DGKA: variants seen among roughly 807,000 people sequenced by gnomAD.
The protein encoded by DGKA is diacylglycerol kinase alpha.
A neutral mutation model predicts 105.0 loss-of-function variants in DGKA; 35 were observed. That is an observed-to-expected ratio of 0.33 (90% CI 0.25 to 0.44). The LOEUF is 0.44. Among genes scored for constraint, DGKA ranks in the 20% least tolerant of loss-of-function variants. The pLI, the probability that DGKA is intolerant of heterozygous loss-of-function variation, is 1.00. For synonymous variants in DGKA, 296 were observed against 332.0 expected (o/e 0.89, Z 1.18); for missense variants, 665 against 915.0 (o/e 0.73, Z 3.53).
chr12:55,927,954 C>G, upstream of DGKA: 1 of 647,062 alleles, frequency 1.5e-6, no homozygotes, highest in South Asian at 2.1e-5. Flanking sequence ...GGCGGACCTA[C>G]TTAGTATTCT....
chr12:55,935,965 G>A (rs2136300795), intron 1 of DGKA: 1 of 988,942 alleles, frequency 1.0e-6, no homozygotes. Context: ...CGCAGTAAGA[G>A]TCACTCAGAG....
At chr12:55,950,392 C>T (rs1316011320) in intron 17 of DGKA, among the ~76,000 whole-genome samples, 2 of 151,860 alleles carry the variant, frequency 1.3e-5, no homozygotes, top group Admixed American at 6.6e-5. Flanking sequence ...CTGCAAGCTC[C>T]ACCTCCTGGG....
intron 17 of DGKA, among the ~76,000 whole-genome samples, chr12:55,950,482 AT>A (rs560091337): frequency 2.7e-5 from 4 of 147,586 alleles, no homozygotes; most frequent in Non-Finnish European, 6.0e-5. Context: ...AATTTTTTGT[AT>A]TTTTAGTAGA....
At chr12:55,950,886 TTATC>T (rs1487727618) in intron 17 of DGKA, among the ~76,000 whole-genome samples, 3 of 152,282 alleles carry the variant, frequency 2.0e-5, no homozygotes, top group Admixed American at 6.5e-5. Flanking sequence ...ATAATTATAT[TTATC>T]TATCTTTTTC....
rs1701031985 is a variant in DGKA at position 55,953,331 on chromosome 12, G to A, written c.2064-19G>A. On this transcript the variant is annotated intron_variant, in intron 22 of 23. Coordinates refer to ENST00000331886, the MANE Select transcript of DGKA (RefSeq NM_001345.5). ...TTCGATTGGTAAGGAAATCACCAAT[G>A]TTCCTTGGCCTCCTATAGCACCACA... is the stretch of plus-strand genomic sequence containing the variant. 6.2e-7 allele frequency: 1 copy of A among 1,613,814 alleles called. No individual in the cohort carries two copies. Among genetic ancestry groups the A allele is most frequent in the South Asian group, 1.1e-5 (1 of 91,078 alleles).
rs1555183523 is a variant in DGKA at position 55,932,740 on chromosome 12, C to A, written c.-82+1396C>A. 17 of 544,460 alleles carry A rather than the reference C, an allele frequency of 3.1e-5. No individual in the cohort carries two copies. The highest frequency in any genetic ancestry group is 4.4e-4 in the Middle Eastern group (1 of 2,296). 33.7% of individuals were successfully genotyped at this position (544,460 alleles called of 1,614,324 possible). ...ACACACACACACACACACACACACACAACCCCCTCAGCCAGGTGTAGCACT... is the reference window on the plus strand; with the variant it reads ...ACACACACACACACACACACACACAAAACCCCCTCAGCCAGGTGTAGCACT... On this transcript the variant is annotated intron_variant, in intron 1 of 23. Coordinates refer to ENST00000331886, the MANE Select transcript of DGKA (RefSeq NM_001345.5). The surrounding 1 kb of genome is among the most constrained non-coding windows in gnomAD (Gnocchi z 4.3).
intron 6 of DGKA, 21 bp from the exon 7 acceptor site, chr12:55,938,894 C>T (rs755714091): frequency 6.2e-7 from 1 of 1,613,968 alleles, no homozygotes; most frequent in South Asian, 1.1e-5. Flanking sequence ...ATGGCTGTGG[C>T]TCTTGCCCTT....
chr12:55,942,542 T>A lies in DGKA; in HGVS notation c.1426+279T>A, dbSNP rs140653607. 8.5e-3 allele frequency: 3,429 copies of A among 405,270 alleles called. 25 individuals are homozygous for A. Among genetic ancestry groups the A allele is most frequent in the Non-Finnish European group, 0.011 (2,370 of 214,666 alleles). 25.1% of individuals were successfully genotyped at this position (405,270 alleles called of 1,614,324 possible). Reference sequence around the variant, plus strand: ...TCTTATGGCTCAGAGAATCAAGGAATATGGGGGTGGGGAACAATGTGTGAA... The same window carrying A: ...TCTTATGGCTCAGAGAATCAAGGAAAATGGGGGTGGGGAACAATGTGTGAA... On this transcript the variant is annotated intron_variant, in intron 17 of 23. Coordinates refer to ENST00000331886, the MANE Select transcript of DGKA (RefSeq NM_001345.5).
intron 2 of DGKA, 163 bp from the exon 3 acceptor site, chr12:55,936,854 G>T (rs1300882323): frequency 2.2e-5 from 18 of 824,914 alleles, no homozygotes; most frequent in Admixed American, 5.6e-5. Flanking sequence ...GGAGTAAAGA[G>T]TGGTACTGTT....
chr12:55,935,471 A>C (rs1169830767), intron 1 of DGKA: 1 of 152,240 alleles, frequency 6.6e-6, no homozygotes, highest in African/African-American at 2.4e-5. Flanking sequence ...CCCTGGATCC[A>C]GTAGCCAAAA....
chr12:55,946,979 T>C (rs546083906), intron 17 of DGKA, among the ~76,000 whole-genome samples: 15 of 147,318 alleles, frequency 1.0e-4, no homozygotes, highest in South Asian at 6.3e-4. Context: ...TTTCTTCCTT[T>C]CTTTCTTTTT....
rs758949840 is a variant in DGKA at position 55,952,690 on chromosome 12, G to A, written c.1744-44G>A. On this transcript the variant is annotated intron_variant, in intron 20 of 23. Coordinates refer to ENST00000331886, the MANE Select transcript of DGKA (RefSeq NM_001345.5). The surrounding 1 kb of genome is among the most constrained non-coding windows in gnomAD (Gnocchi z 5.1). The stretch of plus-strand genomic sequence containing the variant: ...CATCTATGATCATGCCATGAGGTGA[G>A]GATCTGTACCCTCCCTAACTGGGAC... 1.2e-6 allele frequency: 2 copies of A among 1,605,960 alleles called. No individual in the cohort carries two copies. Among genetic ancestry groups the A allele is most frequent in the Admixed American group, 1.7e-5 (1 of 59,936 alleles).
chr12:55,942,392 T>C, intron 17 of DGKA, 129 bp downstream of exon 17: 1 of 838,738 alleles, frequency 1.2e-6, no homozygotes, highest in Non-Finnish European at 1.9e-6. Context: ...GACAGGTGGA[T>C]ACAAAAGTGG....
At chr12:55,942,385 A>T (rs1886202619) in intron 17 of DGKA, 122 bp downstream of exon 17, 1 of 889,180 alleles carries the variant, frequency 1.1e-6, no homozygotes. Context: ...GGGCACAGAC[A>T]GGTGGATACA....
chr12:55,932,709 G>GCA lies in DGKA; in HGVS notation c.-82+1396_-82+1397dup, dbSNP rs57799285. 8.9e-3 allele frequency: 4,416 copies of GCA among 498,470 alleles called. 13 individuals are homozygous for GCA. The highest frequency in any genetic ancestry group is 0.01 in the Non-Finnish European group (2,844 of 271,146). 30.9% of individuals were successfully genotyped at this position (498,470 alleles called of 1,614,324 possible). On this transcript the variant is annotated intron_variant, in intron 1 of 23. Transcript: ENST00000331886. This position sits in a 1 kb window ranked among gnomAD's most constrained non-coding sequence, Gnocchi z 4.3. The stretch of plus-strand genomic sequence containing the variant: ...ACACCCTCTACACACACACACACAC[G>GCA]CACACACACACACACACACACACAC...
At chr12:55,951,479 T>G (rs536301228) in intron 17 of DGKA, 144 bp from the exon 18 acceptor site, 2 of 775,326 alleles carry the variant, frequency 2.6e-6, no homozygotes, top group East Asian at 5.1e-5. Context: ...GCTGTGACCA[T>G]GCACCCTGCC....
chr12:55,940,352 C>A lies in DGKA; in HGVS notation c.837C>A (p.Ser279=), dbSNP rs747985279. The A allele has an allele frequency of 6.2e-7, 1 of 1,614,082 alleles. No homozygotes were observed. The highest frequency in any genetic ancestry group is 8.5e-7 in the Non-Finnish European group (1 of 1,180,050). The change falls in exon 11 of 24, where the codon TCC becomes TCA. Residue 279 remains serine, a synonymous_variant. Coordinates refer to ENST00000331886, the MANE Select transcript of DGKA (RefSeq NM_001345.5). The surrounding 1 kb of genome is among the most constrained non-coding windows in gnomAD (Gnocchi z 4.3). The stretch of plus-strand genomic sequence containing the variant: ...TGTGGGTGCGAGGAGGCTGTGAGTC[C>A]GGGCGCTGCGACCGCTGTCAGAAAA... ...SHVWVRGGCE[S]GRCDRCQKKI...
At chr12:55,927,606 C>CT, upstream of DGKA, 1 of 1,347,348 alleles carries the variant, frequency 7.4e-7, no homozygotes, top group Non-Finnish European at 1.0e-6. Flanking sequence ...GAGACCCTAT[C>CT]TAACCCTAAG....
chr12:55,936,907 C>G, intron 2 of DGKA, 110 bp from the exon 3 acceptor site: 1 of 1,025,372 alleles, frequency 9.8e-7, no homozygotes. Flanking sequence ...TTCTGTGTTT[C>G]TTCTTGGAAT....
Sources: gnomAD v4.1 joint callset for allele counts (sites outside exome capture counted in the v4.1 genomes callset) on GRCh38, gnomAD v4.1.1 for gene constraint, Gnocchi (gnomAD v3.1) non-coding constraint, MANE v1.5 for transcripts, NCBI Gene and HGNC (gene_info 2026-07-23, HGNC 2026-07-21) for gene names.